Variants in CHCHD6 observed in about 807,000 individuals in gnomAD.
CHCHD6 encodes the protein MICOS complex subunit MIC25.
A neutral mutation model predicts 32.3 loss-of-function variants in CHCHD6; 28 were observed. The observed-to-expected ratio is 0.87, with a 90% CI of 0.64 to 1.19. The LOEUF (loss-of-function observed/expected upper bound fraction) is 1.19. Among genes scored for constraint, CHCHD6 ranks in the 50% most tolerant of loss-of-function variants. The pLI is 0.00. For synonymous variants in CHCHD6, 122 were observed against 117.5 expected, an observed-to-expected ratio of 1.04 and a Z score of -0.25; for missense variants, 333 against 307.0, an observed-to-expected ratio of 1.08 and a Z score of -0.63.
intron 5 of CHCHD6, among the ~76,000 whole-genome samples, chr3:126,883,006 G>A (rs2077631629): frequency 6.6e-6 from 1 of 152,296 alleles, no homozygotes; most frequent in East Asian, 1.9e-4. Context: ...AAGGGAAAGG[G>A]GCTGAAGTTA....
chr3:126,910,278 A>AAAAAAAAACAAAAC (rs1559917066), intron 5 of CHCHD6, among the ~76,000 whole-genome samples: 1 of 149,586 alleles, frequency 6.7e-6, no homozygotes, highest in Non-Finnish European at 1.5e-5. Flanking sequence ...CTCAGGAAAA[A>AAAAAAAAACAAAAC]AAAAAAAACA....
chr3:126,751,611 C>A (rs575710861), intron 4 of CHCHD6, among the ~76,000 whole-genome samples: 1 of 151,932 alleles, frequency 6.6e-6, no homozygotes, highest in East Asian at 1.9e-4. Context: ...CTAGCCAGAG[C>A]AGACCTGGGT....
chr3:126,862,129 TCCC>T (rs1204880452), intron 5 of CHCHD6, among the ~76,000 whole-genome samples: 2 of 48,346 alleles, frequency 4.1e-5, no homozygotes, highest in Non-Finnish European at 7.4e-5. Flanking sequence ...CATCACCACC[TCCC>T]CCTCCTCCAC....
Position 126,930,745 on chromosome 3 carries a change from A to G in CHCHD6, c.566+15995A>G, listed in dbSNP as rs2078392214. On this transcript the variant is annotated intron_variant, in intron 6 of 7. Transcript: ENST00000290913. ...GTGAGGGCTGAGTAAGGAAACCTCT[A>G]TCCATCCCTACCCCTTCCCTTCTCT... 2.6e-5 allele frequency among the ~76,000 whole-genome samples: 4 copies of G among 152,264 alleles called. 1 individual carries two copies.
chr3:126,816,640 G>T (rs1468011240), intron 4 of CHCHD6, among the ~76,000 whole-genome samples: 2 of 152,154 alleles, frequency 1.3e-5, no homozygotes, highest in Non-Finnish European at 2.9e-5. Context: ...AGATGTACCT[G>T]CAGTGTTGGG....
At chr3:126,837,897 TCTTA>T (rs1258100201) in intron 4 of CHCHD6, among the ~76,000 whole-genome samples, 1 of 152,218 alleles carries the variant, frequency 6.6e-6, no homozygotes, top group Non-Finnish European at 1.5e-5. Flanking sequence ...CTTGTTCTTT[TCTTA>T]CTTGGGCAAC....
intron 4 of CHCHD6, among the ~76,000 whole-genome samples, chr3:126,778,098 T>C (rs1399893209): frequency 6.6e-6 from 1 of 152,264 alleles, no homozygotes; most frequent in Admixed American, 6.5e-5. Flanking sequence ...TAGCATGTAT[T>C]AGTACTTCAT....
chr3:126,844,690 T>C (rs1440740962), intron 4 of CHCHD6, among the ~76,000 whole-genome samples: 1 of 152,212 alleles, frequency 6.6e-6, no homozygotes, highest in Non-Finnish European at 1.5e-5. Context: ...CCCAAAGATT[T>C]CTACCTTCTA....
chr3:126,794,238 G>T (rs919860471), intron 4 of CHCHD6, among the ~76,000 whole-genome samples: 8 of 150,552 alleles, frequency 5.3e-5, no homozygotes, highest in Non-Finnish European at 1.2e-4. Context: ...TGCATTTTGT[G>T]TTTTCCCCCC....
chr3:126,941,306 A>G (rs746425671), intron 6 of CHCHD6, among the ~76,000 whole-genome samples: 17 of 152,220 alleles, frequency 1.1e-4, no homozygotes, highest in Non-Finnish European at 2.5e-4. Flanking sequence ...ACCTAATCAT[A>G]TGCTAAATTC....
At chr3:126,786,892 C>G (rs1938240909) in intron 4 of CHCHD6, among the ~76,000 whole-genome samples, 1 of 152,174 alleles carries the variant, frequency 6.6e-6, no homozygotes, top group African/African-American at 2.4e-5. Context: ...GACATGAAGT[C>G]CTTGCCCATG....
intron 4 of CHCHD6, among the ~76,000 whole-genome samples, chr3:126,826,305 A>C (rs1017366258): frequency 2.0e-5 from 3 of 152,222 alleles, no homozygotes; most frequent in Admixed American, 6.5e-5. Flanking sequence ...TTCCTTGGTG[A>C]AAAGTTTTTA....
intron 5 of CHCHD6, among the ~76,000 whole-genome samples, chr3:126,895,243 C>T (rs531283810): frequency 2.6e-5 from 4 of 152,262 alleles, no homozygotes; most frequent in African/African-American, 4.8e-5. Flanking sequence ...TGCTAGAACC[C>T]GGAATGGTGA....
chr3:126,853,823 G>A (rs1475260004), intron 5 of CHCHD6, among the ~76,000 whole-genome samples: 1 of 152,162 alleles, frequency 6.6e-6, no homozygotes, highest in Non-Finnish European at 1.5e-5. Context: ...AGGTTTGACT[G>A]TAGCTTATAA....
intron 4 of CHCHD6, among the ~76,000 whole-genome samples, chr3:126,736,687 C>G (rs1453266628): frequency 6.6e-6 from 1 of 152,160 alleles, no homozygotes. Flanking sequence ...CAGTGATGAA[C>G]TGTTCTGTGC....
At chr3:126,865,850 C>A in intron 5 of CHCHD6, 1 of 677,482 alleles carries the variant, frequency 1.5e-6, no homozygotes, top group African/African-American at 2.0e-5. Context: ...GAAACTGCAA[C>A]CTCTCTTGCA....
chr3:126,789,937 T>A lies in CHCHD6; in HGVS notation c.411+56715T>A, dbSNP rs545367616. ...CCTAGTCTCGATGGTCTTTACAATTTGGCATGTTTTTGCAGTGGTTGCTAC... is the reference window on the plus strand; with the variant it reads ...CCTAGTCTCGATGGTCTTTACAATTAGGCATGTTTTTGCAGTGGTTGCTAC... On this transcript the variant is annotated intron_variant, in intron 4 of 7. Coordinates refer to ENST00000290913, the MANE Select transcript of CHCHD6 (RefSeq NM_032343.3). 1.2e-4 allele frequency among the ~76,000 whole-genome samples: 18 copies of A among 152,356 alleles called. No individual in the cohort carries two copies. The South Asian group carries it at 2.7e-3, about 23-fold the overall frequency.
At chr3:126,871,810 C>T (rs1180072404) in intron 5 of CHCHD6, among the ~76,000 whole-genome samples, 1 of 151,866 alleles carries the variant, frequency 6.6e-6, no homozygotes, top group Non-Finnish European at 1.5e-5. Context: ...GGACTACAGG[C>T]ACGCACCACC....
chr3:126,741,510 G>T (rs934022381), intron 4 of CHCHD6, among the ~76,000 whole-genome samples: 3 of 152,164 alleles, frequency 2.0e-5, no homozygotes, highest in African/African-American at 7.2e-5. Flanking sequence ...TGTGGAATGA[G>T]GCTGCTCCTA....
Sources: gnomAD v4.1 joint callset for allele counts (sites outside exome capture counted in the v4.1 genomes callset) on GRCh38, gnomAD v4.1.1 for gene constraint, MANE v1.5 for transcripts, NCBI Gene and HGNC (gene_info 2026-07-23, HGNC 2026-07-21) for gene names.